RALY: variants seen among roughly 807,000 people sequenced by gnomAD.
RALY encodes the protein RNA-binding protein Raly.
Under a neutral mutation model 30.7 loss-of-function variants are expected in RALY, and 15 were observed. That is an observed-to-expected ratio of 0.49 (90% CI 0.33 to 0.75). The LOEUF (loss-of-function observed/expected upper bound fraction) is 0.75, where lower values mean the gene tolerates loss of function less well. Ranked by LOEUF, RALY falls within the 30% of genes least tolerant of loss-of-function variation. The pLI, the probability that RALY is intolerant of heterozygous loss-of-function variation, is 0.02. For missense variants in RALY, 339 were observed against 414.3 expected (o/e 0.82, Z 1.58); for synonymous variants, 177 against 170.8 (o/e 1.04, Z -0.28).
At chr20:34,019,836 C>T (rs1355321255) in intron 1 of RALY, among the ~76,000 whole-genome samples, 6 of 151,996 alleles carry the variant, frequency 3.9e-5, no homozygotes, top group African/African-American at 4.8e-5. Flanking sequence ...CCGAGGCGGG[C>T]GGATCACGAG....
chr20:34,028,146 C>T (rs1037983766), intron 1 of RALY, among the ~76,000 whole-genome samples: 2 of 152,034 alleles, frequency 1.3e-5, no homozygotes, highest in African/African-American at 2.4e-5. Flanking sequence ...ATTAGCCAGA[C>T]GTGGTGGCAC....
chr20:34,028,840 T>G (rs920812251), intron 1 of RALY, among the ~76,000 whole-genome samples: 2 of 151,132 alleles, frequency 1.3e-5, no homozygotes, highest in Non-Finnish European at 2.9e-5. Flanking sequence ...GAAGGGCAAT[T>G]CCAGTGAGAC....
chr20:34,077,095 T>C lies in RALY; in HGVS notation c.726T>C (p.Gly242=), dbSNP rs781060935. 3 of 1,603,552 alleles carry C rather than the reference T, an allele frequency of 1.9e-6. No homozygotes were observed. The highest frequency in any genetic ancestry group is 4.5e-5 in the East Asian group (2 of 44,598). Reference sequence around the variant, plus strand: ...GCGGTGGTGGTGGCAGCGGTGGCGGTGGCAGTGGTGGTGGCGGTGGCGGTG... The same window carrying C: ...GCGGTGGTGGTGGCAGCGGTGGCGGCGGCAGTGGTGGTGGCGGTGGCGGTG... ...GGGGGGGSGG[G]GSGGGGGGGS... The change falls in exon 8 of 10, where the codon GGT becomes GGC. Residue 242 remains glycine (G), a synonymous_variant. Coordinates refer to ENST00000246194, the MANE Select transcript of RALY (RefSeq NM_016732.3).
At chr20:34,007,544 G>A (rs2031212718) in intron 1 of RALY, among the ~76,000 whole-genome samples, 1 of 151,520 alleles carries the variant, frequency 6.6e-6, no homozygotes, top group Non-Finnish European at 1.5e-5. Flanking sequence ...CAAAAGCCAG[G>A]TGCAGTGGCT....
intron 1 of RALY, among the ~76,000 whole-genome samples, chr20:34,023,976 G>A (rs530397985): frequency 5.9e-5 from 9 of 152,196 alleles, no homozygotes; most frequent in South Asian, 2.1e-4. Context: ...CAAGGCGGGC[G>A]GATCACCTGA....
At chr20:34,016,765 C>T (rs2031622300) in intron 1 of RALY, among the ~76,000 whole-genome samples, 1 of 152,258 alleles carries the variant, frequency 6.6e-6, no homozygotes, top group Non-Finnish European at 1.5e-5. Flanking sequence ...GGATCTTTTT[C>T]TACCTCATAG....
chr20:34,072,410 C>A, intron 3 of RALY, 80 bp downstream of exon 3: 1 of 1,474,194 alleles, frequency 6.8e-7, no homozygotes, highest in Non-Finnish European at 9.1e-7. Context: ...CCCCTTCTCT[C>A]TTTCTCTCAC....
chr20:34,053,042 CT>C (rs34604270), intron 2 of RALY, among the ~76,000 whole-genome samples: 126 of 146,060 alleles, frequency 8.6e-4, no homozygotes, highest in East Asian at 1.6e-3. Context: ...TAAAAAGAAA[CT>C]TTTTTTTTTT....
At chr20:34,032,549 A>G (rs902547874) in intron 2 of RALY, among the ~76,000 whole-genome samples, 2 of 151,786 alleles carry the variant, frequency 1.3e-5, no homozygotes, top group African/African-American at 4.8e-5. Context: ...GACAGGTCTC[A>G]CTGTGTTGCC....
chr20:34,039,168 C>T (rs1489206984), intron 2 of RALY, among the ~76,000 whole-genome samples: 3 of 152,182 alleles, frequency 2.0e-5, no homozygotes, highest in African/African-American at 7.2e-5. Flanking sequence ...CTTAAGCCTG[C>T]AGCAGGAACA....
intron 2 of RALY, among the ~76,000 whole-genome samples, chr20:34,057,666 CA>C (rs548450019): frequency 9.0e-3 from 604 of 67,358 alleles, no homozygotes; most frequent in African/African-American, 0.019. Context: ...GACTCCGTCT[CA>C]AAAAAAAAAA....
At chr20:34,070,787 C>G (rs1254601832) in intron 2 of RALY, among the ~76,000 whole-genome samples, 3 of 152,154 alleles carry the variant, frequency 2.0e-5, no homozygotes, top group African/African-American at 7.2e-5. Flanking sequence ...CCACCCTTAG[C>G]CACAGCGAGT....
Position 34,073,780 on chromosome 20 carries a change from C to G in RALY, c.330-39C>G, listed in dbSNP as rs373732046. 1.9e-6 allele frequency: 3 copies of G among 1,608,060 alleles called. No individual in the cohort carries two copies. In the Admixed American group the frequency reaches 5.0e-5, roughly 27 times the overall value. On this transcript the variant is annotated intron_variant, in intron 4 of 9. Coordinates refer to ENST00000246194, the MANE Select transcript of RALY (RefSeq NM_016732.3). ...GCCTGTGGAAAGTGGGCTGAGTGGC[C>G]GTCCCTAAGCTCCAGCCCTCTCCCC...
At position 34,084,399 on chromosome 20, in the gene RALY, CAG is replaced by C. The variant is rs769665882; in HGVS notation, c.*4497_*4498del. On this transcript the variant is annotated 3_prime_UTR_variant, in exon 10 of 10. Coordinates refer to ENST00000246194, the MANE Select transcript of RALY (RefSeq NM_016732.3). ...CATAGGGCCTGTGAGAATAGAGGGACAGAGGGGAGAATCCCCAAAAGGAGAGC... is the reference window on the plus strand; with the variant it reads ...CATAGGGCCTGTGAGAATAGAGGGACAGGGGAGAATCCCCAAAAGGAGAGC... The C allele has an allele frequency of 4.6e-5, 7 of 152,226 alleles. No individual in the cohort carries two copies. Among genetic ancestry groups the C allele is most frequent in the East Asian group, 1.9e-4 (1 of 5,196 alleles). 9.4% of individuals were successfully genotyped at this position (152,226 alleles called of 1,614,324 possible).
chr20:34,064,265 C>G (rs6142089), intron 2 of RALY, among the ~76,000 whole-genome samples: 4 of 152,074 alleles, frequency 2.6e-5, no homozygotes, highest in Admixed American at 2.0e-4. Context: ...GATGGTAAGC[C>G]TCAGCCTAAG....
At chr20:34,060,928 C>T (rs1480004052) in intron 2 of RALY, among the ~76,000 whole-genome samples, 2 of 152,180 alleles carry the variant, frequency 1.3e-5, no homozygotes, top group African/African-American at 4.8e-5. Context: ...TTAAGAGCTA[C>T]TCAATTTGCC....
At chr20:34,046,485 T>C (rs2032882857) in intron 2 of RALY, among the ~76,000 whole-genome samples, 2 of 152,290 alleles carry the variant, frequency 1.3e-5, no homozygotes, top group Middle Eastern at 3.4e-3. Flanking sequence ...GAAACTCTTA[T>C]TCACTCCTCC....
At chr20:34,075,752 C>A in intron 5 of RALY, 122 bp from the exon 6 acceptor site, 2 of 1,109,306 alleles carry the variant, frequency 1.8e-6, no homozygotes, top group Non-Finnish European at 2.5e-6. Flanking sequence ...TAGGAGCCAG[C>A]AGAGGTGTGT....
intron 1 of RALY, chr20:34,017,508 A>G (rs1416022757): frequency 1.3e-5 from 2 of 152,248 alleles, no homozygotes; most frequent in African/African-American, 4.8e-5. Flanking sequence ...AACCTGTGGT[A>G]AGGCAGGTGC....
Sources: gnomAD v4.1 joint callset for allele counts (sites outside exome capture counted in the v4.1 genomes callset) on GRCh38, gnomAD v4.1.1 for gene constraint, MANE v1.5 for transcripts, NCBI Gene and HGNC (gene_info 2026-07-23, HGNC 2026-07-21) for gene names.